The following USP53 variants were observed in gnomAD, a reference collection of about 807,000 sequenced individuals.
USP53 encodes ubiquitin carboxyl-terminal hydrolase 53.
USP53 carries 71 observed loss-of-function variants against 94.9 expected under a neutral mutation model. The observed-to-expected ratio is 0.75, with a 90% CI of 0.62 to 0.91. The LOEUF is 0.91. USP53 is among the 40% of genes least tolerant of loss of function. The probability of loss-of-function intolerance (pLI) is 0.00; values close to 1 mark genes in which losing one functional copy is unlikely to be tolerated. For missense variants in USP53, 1,173 were observed against 1,281.0 expected, an observed-to-expected ratio of 0.92 and a Z score of 1.29; for synonymous variants, 375 against 422.7, an observed-to-expected ratio of 0.89 and a Z score of 1.39.
Position 119,288,870 on chromosome 4 carries a change from G to A in USP53, c.2252-2295G>A, listed in dbSNP as rs1321987343. ...GGACAATTGCTTGAGCCTGGGAGGCGGAGGTTGCAGTGAGCCGAGATCGTG... is the reference window on the plus strand; with the variant it reads ...GGACAATTGCTTGAGCCTGGGAGGCAGAGGTTGCAGTGAGCCGAGATCGTG... On this transcript the variant is annotated intron_variant, in intron 17 of 18. Coordinates refer to ENST00000692078, the MANE Select transcript of USP53 (RefSeq NM_001371395.1). 1.7e-4 allele frequency among the ~76,000 whole-genome samples: 25 copies of A among 151,164 alleles called. 1 individual carries two copies.
At chr4:119,256,595 T>C (rs895237696) in intron 9 of USP53, 72 bp downstream of exon 9, 2 of 1,479,342 alleles carry the variant, frequency 1.4e-6, no homozygotes, top group African/African-American at 2.8e-5. Flanking sequence ...ACTTATTTTA[T>C]AAAATCATAG....
chr4:119,229,146 T>C (rs1414354004), intron 3 of USP53, among the ~76,000 whole-genome samples: 2 of 152,208 alleles, frequency 1.3e-5, no homozygotes, highest in Non-Finnish European at 2.9e-5. Context: ...GCGTGCAACA[T>C]AGACTGTAGT....
chr4:119,235,022 G>A (rs530527665), intron 3 of USP53, among the ~76,000 whole-genome samples: 4 of 152,310 alleles, frequency 2.6e-5, no homozygotes, highest in African/African-American at 9.6e-5. Flanking sequence ...GGCTGTTATT[G>A]TTATCCCCAT....
chr4:119,260,888 A>G (rs1356492268), intron 11 of USP53, among the ~76,000 whole-genome samples: 2 of 151,668 alleles, frequency 1.3e-5, no homozygotes, highest in South Asian at 2.1e-4. Flanking sequence ...GATTGTAAAT[A>G]TAAATATTGT....
At chr4:119,229,972 T>C (rs1385234182) in intron 3 of USP53, among the ~76,000 whole-genome samples, 1 of 152,170 alleles carries the variant, frequency 6.6e-6, no homozygotes, top group Non-Finnish European at 1.5e-5. Context: ...TAGCATTTCT[T>C]TGAAATGCAT....
rs147809901 is a variant in USP53 at position 119,221,739 on chromosome 4, C to T, written c.-665+4066C>T. Reference sequence around the variant, plus strand: ...TACCTTGGCTTCTCTCCTTTGTCTTCGATTTTCTGGCAGTGCCTCTGATTG... The same window carrying T: ...TACCTTGGCTTCTCTCCTTTGTCTTTGATTTTCTGGCAGTGCCTCTGATTG... On this transcript the variant is annotated intron_variant, in intron 3 of 18. Transcript: ENST00000692078. Among the ~76,000 whole-genome samples, 226 of 152,232 alleles carry T rather than the reference C, an allele frequency of 1.5e-3. 2 individuals are homozygous for T. The highest frequency in any genetic ancestry group is 6.8e-3 in the Middle Eastern group (2 of 294).
At chr4:119,216,270 A>G (rs1303748648) in intron 2 of USP53, among the ~76,000 whole-genome samples, 1 of 152,024 alleles carries the variant, frequency 6.6e-6, no homozygotes, top group East Asian at 1.9e-4. Flanking sequence ...GGTCCCAGCT[A>G]CTAAGGAGGC....
chr4:119,215,209 C>T (rs905715079), intron 2 of USP53, among the ~76,000 whole-genome samples: 21 of 152,060 alleles, frequency 1.4e-4, no homozygotes, highest in East Asian at 9.6e-4. Flanking sequence ...GTTATCTTTG[C>T]AGAGCTAGGT....
chr4:119,255,235 C>A (rs1471640023), intron 7 of USP53, among the ~76,000 whole-genome samples: 1 of 152,160 alleles, frequency 6.6e-6, no homozygotes, highest in African/African-American at 2.4e-5. Context: ...AAACGCCATG[C>A]TAGGAGAACC....
intron 17 of USP53, among the ~76,000 whole-genome samples, chr4:119,275,574 G>A (rs1393075109): frequency 2.5e-4 from 37 of 150,216 alleles, no homozygotes; most frequent in Non-Finnish European, 4.0e-4. Context: ...TTGACTTGGC[G>A]ATGCGGGCTC....
At chr4:119,291,838 C>T (rs922776317) in intron 18 of USP53, among the ~76,000 whole-genome samples, 5 of 151,874 alleles carry the variant, frequency 3.3e-5, no homozygotes, top group Non-Finnish European at 7.4e-5. Flanking sequence ...GGCAACATAG[C>T]AAGACCCTCA....
intron 7 of USP53, among the ~76,000 whole-genome samples, chr4:119,252,829 G>T (rs924817677): frequency 1.3e-5 from 2 of 152,194 alleles, no homozygotes; most frequent in East Asian, 3.9e-4. Context: ...TGATGTTAGG[G>T]TGTCAATTTT....
rs192346477 is a variant in USP53 at position 119,253,235 on chromosome 4, G to C, written c.373-3011G>C. On this transcript the variant is annotated intron_variant, in intron 7 of 18. Coordinates refer to ENST00000692078, the MANE Select transcript of USP53 (RefSeq NM_001371395.1). The stretch of plus-strand genomic sequence containing the variant: ...AGTTCTGTAGATGTCTATTAGGTCT[G>C]CTTGGTCCAGAACTGGGTTCAAGTC... Among the ~76,000 whole-genome samples the C allele has an allele frequency of 8.9e-3, 1,361 of 152,184 alleles. 27 individuals are homozygous for C. The highest frequency in any genetic ancestry group is 0.017 in the Middle Eastern group (5 of 294).
At chr4:119,257,164 G>T (rs1251802699) in intron 9 of USP53, among the ~76,000 whole-genome samples, 1 of 152,110 alleles carries the variant, frequency 6.6e-6, no homozygotes, top group African/African-American at 2.4e-5. Context: ...GCATGTGGCT[G>T]GGCACAGTGG....
At position 119,294,959 on chromosome 4, in the gene USP53, A is replaced by G. The variant is rs566201333; in HGVS notation, c.*1748A>G. The G allele has an allele frequency of 2.6e-5, 4 of 152,256 alleles. No individual in the cohort carries two copies. The highest frequency in any genetic ancestry group is 4.8e-5 in the African/African-American group (2 of 41,582). 9.4% of individuals were successfully genotyped at this position (152,256 alleles called of 1,614,324 possible). ...TTTGTAAACCTGTATTTAAAATACC[A>G]AAGTTTTTCTTCTTTTATAACATTG... On this transcript the variant is annotated 3_prime_UTR_variant, in exon 19 of 19. Coordinates refer to ENST00000692078, the MANE Select transcript of USP53 (RefSeq NM_001371395.1).
chr4:119,275,883 G>A (rs1261735306), intron 17 of USP53, among the ~76,000 whole-genome samples: 6 of 151,358 alleles, frequency 4.0e-5, no homozygotes, highest in East Asian at 1.9e-4. Flanking sequence ...GTTCACTCAC[G>A]ATTTGGCTCT....
intron 13 of USP53, among the ~76,000 whole-genome samples, chr4:119,267,877 A>G (rs1293497155): frequency 1.3e-5 from 2 of 152,216 alleles, no homozygotes; most frequent in Non-Finnish European, 1.5e-5. Flanking sequence ...TACAGTTAAA[A>G]ATAATCTGGG....
chr4:119,285,329 A>G (rs1753973152), intron 17 of USP53, among the ~76,000 whole-genome samples: 1 of 151,932 alleles, frequency 6.6e-6, no homozygotes, highest in Admixed American at 6.6e-5. Context: ...TGAGGTAAGT[A>G]CATAGTAGGT....
At chr4:119,224,425 T>A (rs1275926158) in intron 3 of USP53, among the ~76,000 whole-genome samples, 1 of 152,276 alleles carries the variant, frequency 6.6e-6, no homozygotes, top group African/African-American at 2.4e-5. Flanking sequence ...GCCAAAAGAA[T>A]ATCACAACTA....
Sources: allele counts gnomAD v4.1 joint callset (sites outside exome capture counted in the v4.1 genomes callset), GRCh38; gene constraint gnomAD v4.1.1; transcripts MANE v1.5; gene names NCBI Gene and HGNC (gene_info 2026-07-23, HGNC 2026-07-21).